Variants in NEGR1 observed in about 807,000 individuals in gnomAD.
The protein encoded by NEGR1 is neuronal growth regulator 1.
In NEGR1, 10 loss-of-function variants were observed where a neutral mutation model predicts 40.9. The ratio of observed to expected loss-of-function variants is 0.24; its 90% CI spans 0.15 to 0.42. The LOEUF (loss-of-function observed/expected upper bound fraction) is 0.42, where lower values mean the gene tolerates loss of function less well. NEGR1 is among the 10% of genes least tolerant of loss of function. The pLI, the probability that NEGR1 is intolerant of heterozygous loss-of-function variation, is 1.00. For synonymous variants in NEGR1, 185 were observed against 166.8 expected (o/e 1.11, Z -0.84); for missense variants, 352 against 438.9 (o/e 0.80, Z 1.77).
At chr1:72,136,715 AG>A (rs1271590003) in intron 1 of NEGR1, among the ~76,000 whole-genome samples, 1 of 152,044 alleles carries the variant, frequency 6.6e-6, no homozygotes, top group Admixed American at 6.5e-5. Context: ...AAATACCAAA[AG>A]CAATGGCAAC....
intron 3 of NEGR1, among the ~76,000 whole-genome samples, chr1:71,755,960 G>A (rs532344894): frequency 4.6e-5 from 7 of 152,186 alleles, no homozygotes; most frequent in South Asian, 4.1e-4. Flanking sequence ...TTTTATTTAA[G>A]TAATCTATTT....
intron 6 of NEGR1, among the ~76,000 whole-genome samples, chr1:71,546,879 T>A (rs1191778246): frequency 5.3e-5 from 8 of 151,682 alleles, no homozygotes; most frequent in Admixed American, 1.3e-4. Flanking sequence ...TTATCTACTG[T>A]CAGTTTCCTA....
At chr1:71,713,384 T>C (rs1312148028) in intron 3 of NEGR1, among the ~76,000 whole-genome samples, 1 of 152,202 alleles carries the variant, frequency 6.6e-6, no homozygotes, top group Non-Finnish European at 1.5e-5. Flanking sequence ...ATAAACTAGT[T>C]GTTTCCCTTT....
chr1:71,947,109 C>A (rs930331821), intron 1 of NEGR1, among the ~76,000 whole-genome samples: 19 of 116,442 alleles, frequency 1.6e-4, no homozygotes, highest in Admixed American at 4.5e-4. Context: ...CACACACACA[C>A]ACACACACAC....
intron 2 of NEGR1, among the ~76,000 whole-genome samples, chr1:71,927,776 G>A (rs1253153225): frequency 3.0e-5 from 4 of 135,394 alleles, no homozygotes; most frequent in Non-Finnish European, 3.1e-5. Flanking sequence ...CTGAGCCCAG[G>A]CGTTTGAGAC....
chr1:71,764,660 G>C (rs1378986380), intron 3 of NEGR1, among the ~76,000 whole-genome samples: 1 of 152,158 alleles, frequency 6.6e-6, no homozygotes, highest in East Asian at 1.9e-4. Context: ...TGAAGATGAG[G>C]AGTGTAGTGG....
At chr1:71,780,357 T>A (rs1356243505) in intron 2 of NEGR1, among the ~76,000 whole-genome samples, 1 of 152,192 alleles carries the variant, frequency 6.6e-6, no homozygotes, top group Non-Finnish European at 1.5e-5. Flanking sequence ...ACAATTATTA[T>A]AATATCCTCA....
chr1:72,206,964 T>C (rs1384280191), intron 1 of NEGR1, among the ~76,000 whole-genome samples: 1 of 150,658 alleles, frequency 6.6e-6, no homozygotes, highest in Non-Finnish European at 1.5e-5. Flanking sequence ...CAAATTTACA[T>C]AAGAAGGGGT....
intron 4 of NEGR1, among the ~76,000 whole-genome samples, chr1:71,621,788 T>C (rs907699717): frequency 6.6e-6 from 1 of 151,836 alleles, no homozygotes; most frequent in African/African-American, 2.4e-5. Context: ...TGTTATTATA[T>C]TCAACTTTTT....
At chr1:71,561,319 C>T (rs76476310) in intron 6 of NEGR1, among the ~76,000 whole-genome samples, 77 of 151,728 alleles carry the variant, frequency 5.1e-4, no homozygotes, top group Non-Finnish European at 9.4e-4. Flanking sequence ...TCTAGGTTTG[C>T]CTGAGACAAT....
chr1:72,205,754 T>C (rs1482983090), intron 1 of NEGR1, among the ~76,000 whole-genome samples: 1 of 32,238 alleles, frequency 3.1e-5, no homozygotes, highest in East Asian at 8.1e-4. Context: ...ACCCCATTTC[T>C]ACAAAAAAAA....
At chr1:71,882,725 A>G (rs1570463995) in intron 2 of NEGR1, among the ~76,000 whole-genome samples, 1 of 123,598 alleles carries the variant, frequency 8.1e-6, no homozygotes, top group South Asian at 2.8e-4. Flanking sequence ...CATCGTCTTC[A>G]GAAAAAAAAA....
intron 6 of NEGR1, chr1:71,476,986 G>A (rs544362012): frequency 6.6e-6 from 1 of 152,106 alleles, no homozygotes; most frequent in African/African-American, 2.4e-5. Flanking sequence ...AAAATATTAA[G>A]GCATGCAATT....
intron 6 of NEGR1, among the ~76,000 whole-genome samples, chr1:71,577,730 T>C (rs938072191): frequency 2.0e-5 from 3 of 152,172 alleles, no homozygotes; most frequent in African/African-American, 7.2e-5. Context: ...GAACTCTCCT[T>C]TGTAAACAAT....
intron 6 of NEGR1, among the ~76,000 whole-genome samples, chr1:71,532,542 C>T (rs1004390899): frequency 4.6e-5 from 7 of 151,554 alleles, no homozygotes; most frequent in Admixed American, 4.6e-4. Flanking sequence ...AATAGCTACT[C>T]CAAAAGCCTT....
At chr1:72,131,433 A>G (rs1310304526) in intron 1 of NEGR1, among the ~76,000 whole-genome samples, 3 of 152,230 alleles carry the variant, frequency 2.0e-5, no homozygotes, top group Admixed American at 2.0e-4. Flanking sequence ...AAATTCCAGC[A>G]AAGATGAGAT....
intron 1 of NEGR1, among the ~76,000 whole-genome samples, chr1:72,008,089 A>G (rs1388628063): frequency 1.3e-5 from 2 of 152,150 alleles, no homozygotes; most frequent in African/African-American, 2.4e-5. Flanking sequence ...ACTTAACAAG[A>G]ACAAATATCA....
chr1:72,136,955 CAGA>C (rs1409490711), intron 1 of NEGR1, among the ~76,000 whole-genome samples: 1 of 152,144 alleles, frequency 6.6e-6, no homozygotes, highest in African/African-American at 2.4e-5. Flanking sequence ...AGACACTTCT[CAGA>C]AGAAGACATT....
At chr1:71,458,308 A>G (rs953002836) in intron 6 of NEGR1, among the ~76,000 whole-genome samples, 4 of 152,168 alleles carry the variant, frequency 2.6e-5, no homozygotes. Flanking sequence ...CTTATTATAC[A>G]TACCATTCCT....
Sources: allele counts gnomAD v4.1 joint callset (sites outside exome capture counted in the v4.1 genomes callset), GRCh38; gene constraint gnomAD v4.1.1; transcripts MANE v1.5; gene names NCBI Gene and HGNC (gene_info 2026-07-23, HGNC 2026-07-21).